The following RYR1 variants were observed in gnomAD, a reference collection of about 807,000 sequenced individuals.
RYR1 encodes ryanodine receptor 1, also known as central core disease of muscle.
Under a neutral mutation model 583.5 loss-of-function variants are expected in RYR1, and 342 were observed. The ratio of observed to expected loss-of-function variants is 0.59; its 90% CI spans 0.54 to 0.64. RYR1 has a LOEUF of 0.64. RYR1 is among the 30% of genes least tolerant of loss of function. The pLI, the probability that RYR1 is intolerant of heterozygous loss-of-function variation, is 0.00. For synonymous variants in RYR1, 2,791 were observed against 2,822.5 expected, an observed-to-expected ratio of 0.99 and a Z score of 0.35; for missense variants, 6,032 against 6,917.2, an observed-to-expected ratio of 0.87 and a Z score of 4.54.
In RYR1 at chr19:38,493,795, C is replaced by T. The variant is rs1046652646; in HGVS notation, c.6275-557C>T. Among the ~76,000 whole-genome samples, 34 of 152,218 alleles carry T rather than the reference C, an allele frequency of 2.2e-4. 1 individual carries two copies. Among genetic ancestry groups the T allele is most frequent in the East Asian group, 7.7e-4 (4 of 5,172 alleles). On this transcript the variant is annotated intron_variant, in intron 38 of 105. Transcript: ENST00000359596. Reference sequence around the variant, plus strand: ...TCAGCCTCCCAAAGTGCAGGGATTACGGCTGTGAGCCACCGCACCCAGCCA... The same window carrying T: ...TCAGCCTCCCAAAGTGCAGGGATTATGGCTGTGAGCCACCGCACCCAGCCA...
chr19:38,544,793 A>C (rs545052063), intron 87 of RYR1, among the ~76,000 whole-genome samples: 216 of 152,330 alleles, frequency 1.4e-3, no homozygotes, highest in African/African-American at 4.8e-3. Flanking sequence ...ATCATGTAGA[A>C]TTCCAAATCC....
rs376195123 is a variant in RYR1, at chr19:38,510,646, C to A, written c.9001-14C>A. Reference sequence around the variant, plus strand: ...CCCTCATTGGACCCTTTATCTCCCCCAACCCGTCTCCAGATCCTGCTCCCT... The same window carrying A: ...CCCTCATTGGACCCTTTATCTCCCCAAACCCGTCTCCAGATCCTGCTCCCT... On this transcript the variant is annotated splice_polypyrimidine_tract_variant and intron_variant, in intron 59 of 105. Coordinates refer to ENST00000359596, the MANE Select transcript of RYR1 (RefSeq NM_000540.3). 1.4e-4 allele frequency: 232 copies of A among 1,614,052 alleles called. No individual in the cohort carries two copies. Among genetic ancestry groups the A allele is most frequent in the Non-Finnish European group, 1.9e-4 (227 of 1,180,046 alleles).
chr19:38,527,511 A>G lies in RYR1; in HGVS notation c.10687-136A>G, dbSNP rs1971517491. 17 of 1,228,384 alleles carry G rather than the reference A, an allele frequency of 1.4e-5. No individual in the cohort carries two copies. The South Asian group carries it at 2.0e-4, about 14-fold the overall frequency. 76.1% of individuals were successfully genotyped at this position (1,228,384 alleles called of 1,614,324 possible). On this transcript the variant is annotated intron_variant, in intron 72 of 105. Coordinates refer to ENST00000359596, the MANE Select transcript of RYR1 (RefSeq NM_000540.3). The stretch of plus-strand genomic sequence containing the variant: ...GGTGATGGGGCGAGGCTCCGTCTCA[A>G]AACAAAAAGATGAAGAAGAAGAAAG...
intron 58 of RYR1, among the ~76,000 whole-genome samples, chr19:38,508,186 A>G (rs951706780): frequency 6.6e-6 from 1 of 151,894 alleles, no homozygotes; most frequent in African/African-American, 2.4e-5. Flanking sequence ...ATTTCATTTT[A>G]TTTTATTTTT....
intron 3 of RYR1, 130 bp downstream of exon 3, chr19:38,442,583 C>G: frequency 1.5e-6 from 1 of 682,208 alleles, no homozygotes; most frequent in East Asian, 2.7e-5. Flanking sequence ...TTCTTCCTCT[C>G]TCTGCCCTGC....
In RYR1 at chr19:38,535,305, G is replaced by A. The variant is rs1971918345; in HGVS notation, c.11440-11G>A. 9 of 1,613,984 alleles carry A rather than the reference G, an allele frequency of 5.6e-6. No individual in the cohort carries two copies. Among genetic ancestry groups the A allele is most frequent in the Admixed American group, 1.7e-5 (1 of 59,996 alleles). ...CTCCCAGTTTCTCCTCCCCTGCCTCGCCCTCTGCAGAAAATGCTGGATTAT... is the reference window on the plus strand; with the variant it reads ...CTCCCAGTTTCTCCTCCCCTGCCTCACCCTCTGCAGAAAATGCTGGATTAT... On this transcript the variant is annotated splice_polypyrimidine_tract_variant and intron_variant, in intron 80 of 105. Coordinates refer to ENST00000359596, the MANE Select transcript of RYR1 (RefSeq NM_000540.3).
Position 38,517,423 on chromosome 19 carries a change from G to A in RYR1, c.9750G>A (p.Met3250Ile). The A allele has an allele frequency of 1.9e-6, 3 of 1,614,106 alleles. No homozygotes were observed. The highest frequency in any genetic ancestry group is 2.5e-6 in the Non-Finnish European group (3 of 1,180,006). ...ACATCCCGGTGCTGGAGCGGCTCAT[G>A]GCAGACATTGGGGGGCTGGCCGAGT... ...CPDIPVLERL[M>I]ADIGGLAESG... Residue 3250 changes from methionine to isoleucine, a missense_variant, in exon 66 of 106, where the codon ATG becomes ATA. Met to Ile is a conservative substitution (Grantham distance 10). Transcript: ENST00000359596.
rs1177988951 is a variant in RYR1 at position 38,539,310 on chromosome 19, AGCTC to A, written c.11689+1354_11689+1357del. On this transcript the variant is annotated intron_variant, in intron 84 of 105. Transcript: ENST00000359596. ...GACTGGAGTGCAGTGGTGTGATCACAGCTCGCTGCAACCTCTGCCTCCTGGGCTC... is the reference window on the plus strand; with the variant it reads ...GACTGGAGTGCAGTGGTGTGATCACAGCTGCAACCTCTGCCTCCTGGGCTC... Among the ~76,000 whole-genome samples, 7 of 146,706 alleles carry A rather than the reference AGCTC, an allele frequency of 4.8e-5. No individual in the cohort carries two copies. In the East Asian group the frequency reaches 1.0e-3, roughly 21 times the overall value.
At chr19:38,528,561 A>G in intron 74 of RYR1, 38 bp from the exon 75 acceptor site, 1 of 1,608,034 alleles carries the variant, frequency 6.2e-7, no homozygotes, top group African/African-American at 1.3e-5. Flanking sequence ...AGCACGGAGG[A>G]GGGCGCGTCC....
Position 38,489,284 on chromosome 19 carries a change from A to G in RYR1, c.5655A>G (p.Glu1885=). 2 of 1,606,458 alleles carry G rather than the reference A, an allele frequency of 1.2e-6. No homozygotes were observed. Among genetic ancestry groups the G allele is most frequent in the African/African-American group, 2.7e-5 (2 of 74,880 alleles). Residue 1885 remains glutamate (E), a synonymous_variant, in exon 35 of 106, where the codon GAA becomes GAG. Transcript: ENST00000359596. ...AGGAGGACGAGGAGGAAGAGGGTGA[A>G]GAGGAAGATGAGGAGGAGAAGGAGG... is the stretch of plus-strand genomic sequence containing the variant. ...EEEEDEEEEG[E]EEDEEEKEED... is the part of the protein sequence containing the mutation.
At position 38,561,826 on chromosome 19, in the gene RYR1, C is replaced by T. The variant is rs532114759; in HGVS notation, c.12624+372C>T. Among the ~76,000 whole-genome samples the T allele has an allele frequency of 3.3e-5, 5 of 152,248 alleles. No individual in the cohort carries two copies. Among genetic ancestry groups the T allele is most frequent in the African/African-American group, 1.2e-4 (5 of 41,548 alleles). ...CTACCCACACTCTCACCTCCTCGAA[C>T]CTGCATGGCGACACACCCCTTGCTC... On this transcript the variant is annotated intron_variant, in intron 90 of 105. Coordinates refer to ENST00000359596, the MANE Select transcript of RYR1 (RefSeq NM_000540.3). The surrounding 1 kb of genome is among the most constrained non-coding windows in gnomAD (Gnocchi z 4.8).
chr19:38,446,397 C>T (rs1473982146), intron 7 of RYR1, 75 bp from the exon 8 acceptor site: 1 of 1,141,170 alleles, frequency 8.8e-7, no homozygotes, highest in Admixed American at 1.7e-5. Flanking sequence ...GAGCAGGGCC[C>T]CTGACTTCAT....
intron 39 of RYR1, among the ~76,000 whole-genome samples, chr19:38,495,078 C>T (rs191634829): frequency 1.2e-3 from 190 of 152,094 alleles, no homozygotes; most frequent in African/African-American, 3.9e-3. Flanking sequence ...TCTCGAACTC[C>T]TAACCTCAGG....
intron 25 of RYR1, 91 bp downstream of exon 25, chr19:38,467,903 C>A: frequency 8.2e-7 from 1 of 1,212,486 alleles, no homozygotes; most frequent in South Asian, 1.3e-5. Context: ...GTGCCTCACT[C>A]TGTCCCCACT....
At chr19:38,449,024 C>G (rs937643809) in intron 11 of RYR1, among the ~76,000 whole-genome samples, 5 of 151,630 alleles carry the variant, frequency 3.3e-5, no homozygotes, top group Non-Finnish European at 5.9e-5. Context: ...GGGAGAGAAA[C>G]TGAGACTGAG....
chr19:38,452,959 A>G lies in RYR1; in HGVS notation c.1385A>G (p.Glu462Gly). The G allele has an allele frequency of 6.2e-7, 1 of 1,613,990 alleles. No homozygotes were observed. The highest frequency in any genetic ancestry group is 1.7e-5 in the Admixed American group (1 of 60,016). The change falls in exon 13 of 106, where the codon GAG becomes GGG. Residue 462 changes from glutamate (E) to glycine (G), a missense_variant. By Grantham distance (98) the Glu-to-Gly change is moderately conservative (BLOSUM62 -2). Around this residue, in one of 11 missense-constraint regions of RYR1, gnomAD observed 2,627 missense variants for 2,961.3 expected, o/e 0.89. Transcript: ENST00000359596. The stretch of plus-strand genomic sequence containing the variant: ...CCCTCCGAGGACTTGCAGCACGAGG[A>G]GAAGCAGAGCAAGCTGCGAAGCCTG... ...EPPSEDLQHE[E>G]KQSKLRSLRN...
chr19:38,434,909 C>A (rs931267477), intron 1 of RYR1, among the ~76,000 whole-genome samples: 2 of 152,174 alleles, frequency 1.3e-5, no homozygotes, highest in Non-Finnish European at 2.9e-5. Flanking sequence ...CCTGGCGAGC[C>A]GGGTCCGGTT....
At chr19:38,579,940 G>A (rs769295474) in intron 99 of RYR1, 42 bp from the exon 100 acceptor site, 1 of 1,613,720 alleles carries the variant, frequency 6.2e-7, no homozygotes, top group Admixed American at 1.7e-5. Context: ...CTCCTCGTGT[G>A]TCCCTGCCTT....
chr19:38,459,226 A>C lies in RYR1; in HGVS notation c.2248A>C (p.Ser750Arg). ...EDVISCCLDL[S>R]VPSISFRING... ...CGTGATCAGCTGCTGCCTGGACCTC[A>C]GCGTGCCGTCCATCTCCTTCCGCAT... is the stretch of plus-strand genomic sequence containing the variant. Residue 750 changes from serine to arginine, a missense_variant, in exon 19 of 106, where the codon AGC (serine) becomes CGC (arginine). Transcript: ENST00000359596. 2 of 1,614,112 alleles carry C rather than the reference A, an allele frequency of 1.2e-6. No individual in the cohort carries two copies. Among genetic ancestry groups the C allele is most frequent in the Non-Finnish European group, 1.7e-6 (2 of 1,179,998 alleles).
Sources: gnomAD v4.1 joint callset for allele counts (sites outside exome capture counted in the v4.1 genomes callset) on GRCh38, gnomAD v4.1.1 for gene constraint, gnomAD v4.1.1 regional missense constraint, Gnocchi (gnomAD v3.1) non-coding constraint, MANE v1.5 for transcripts, NCBI Gene and HGNC (gene_info 2026-07-23, HGNC 2026-07-21) for gene names.